Variants in NPEPPS observed in about 807,000 individuals in gnomAD.
The protein encoded by NPEPPS is aminopeptidase puromycin sensitive.
A neutral mutation model predicts 115.5 loss-of-function variants in NPEPPS; 14 were observed. The observed-to-expected ratio is 0.12, with a 90% CI of 0.08 to 0.19. The LOEUF (loss-of-function observed/expected upper bound fraction) is 0.19, where lower values mean the gene tolerates loss of function less well. Among genes scored for constraint, NPEPPS ranks in the 10% least tolerant of loss-of-function variants. The pLI, the probability that NPEPPS is intolerant of heterozygous loss-of-function variation, is 1.00. For missense variants in NPEPPS, 523 were observed against 1,110.8 expected (o/e 0.47, Z 7.52); for synonymous variants, 285 against 390.6 (o/e 0.73, Z 3.19).
At position 47,622,140 on chromosome 17, in the gene NPEPPS, A is replaced by C; in HGVS notation, c.*220A>C. ...AGCAAAAAATAAATAAAAAATAAAA[A>C]TGTAAATATGATAGTAATAAAATAG... On this transcript the variant is annotated 3_prime_UTR_variant, in exon 23 of 23. Transcript: ENST00000322157. The C allele has an allele frequency of 2.5e-6, 3 of 1,214,896 alleles. No homozygotes were observed. Among genetic ancestry groups the C allele is most frequent in the Non-Finnish European group, 3.1e-6 (3 of 959,426 alleles). The allele number at this position is 1,214,896 out of a possible 1,614,324, so 75.3% of individuals were successfully genotyped here.
At chr17:47,531,817 G>A (rs1325348498) in intron 1 of NPEPPS, among the ~76,000 whole-genome samples, 1 of 152,102 alleles carries the variant, frequency 6.6e-6, no homozygotes, top group Non-Finnish European at 1.5e-5. Flanking sequence ...TGGGGAGCCG[G>A]CGGCCCGGCC....
intron 1 of NPEPPS, among the ~76,000 whole-genome samples, chr17:47,532,609 C>T (rs1597805056): frequency 6.7e-6 from 1 of 149,690 alleles, no homozygotes; most frequent in East Asian, 2.0e-4. Context: ...CGAGATCGCG[C>T]CACTGCATTC....
At chr17:47,589,528 G>A (rs1912380947) in intron 9 of NPEPPS, among the ~76,000 whole-genome samples, 3 of 152,112 alleles carry the variant, frequency 2.0e-5, no homozygotes, top group Admixed American at 2.0e-4. Context: ...ACCTCCCAGA[G>A]TATTGGCATT....
upstream of NPEPPS, among the ~76,000 whole-genome samples, chr17:47,527,027 A>G (rs996461921): frequency 2.6e-5 from 4 of 152,212 alleles, no homozygotes; most frequent in Admixed American, 6.6e-5. Context: ...GATTCTCAGG[A>G]GAGAAAAAAA....
chr17:47,571,235 T>A (rs1384970128), intron 3 of NPEPPS, among the ~76,000 whole-genome samples: 1 of 152,180 alleles, frequency 6.6e-6, no homozygotes, highest in Non-Finnish European at 1.5e-5. Context: ...ACAAGTAAAA[T>A]GATAGTTATG....
chr17:47,554,403 C>T (rs1182710819), intron 2 of NPEPPS, among the ~76,000 whole-genome samples: 1 of 151,590 alleles, frequency 6.6e-6, no homozygotes, highest in Non-Finnish European at 1.5e-5. Context: ...TCTCTGTTGC[C>T]CAGGTTGGAG....
rs1169942033 is a variant in NPEPPS at position 47,612,414 on chromosome 17, A to AT, written c.2096-45dup. On this transcript the variant is annotated intron_variant, in intron 17 of 22. Coordinates refer to ENST00000322157, the MANE Select transcript of NPEPPS (RefSeq NM_006310.4). ...ATATCCAAATGGCAAACTTATAAAA[A>AT]TAGGCTTTTTAAGTAGTCTTATGTC... 8.8e-6 allele frequency: 14 copies of AT among 1,597,594 alleles called. No homozygotes were observed. The East Asian group carries it at 3.1e-4, about 36-fold the overall frequency.
chr17:47,555,449 G>A (rs1469723186), intron 2 of NPEPPS, among the ~76,000 whole-genome samples: 1 of 151,230 alleles, frequency 6.6e-6, no homozygotes, highest in East Asian at 1.9e-4. Flanking sequence ...CCGGGTTCAA[G>A]TGATTCTCCT....
chr17:47,537,625 G>A (rs943082123), intron 1 of NPEPPS, among the ~76,000 whole-genome samples: 1 of 151,888 alleles, frequency 6.6e-6, no homozygotes, highest in Non-Finnish European at 1.5e-5. Context: ...CTCGGGAAGC[G>A]GAGGAGCGGA....
In NPEPPS at chr17:47,537,687, C is replaced by T. The variant is rs185884218; in HGVS notation, c.255+6132C>T. Reference sequence around the variant, plus strand: ...TTGCACTCCAGCCGGGGTGACACAGCGAGACCCTGTCTTTAAAAAAAAAAA... The same window carrying T: ...TTGCACTCCAGCCGGGGTGACACAGTGAGACCCTGTCTTTAAAAAAAAAAA... On this transcript the variant is annotated intron_variant, in intron 1 of 22. Transcript: ENST00000322157. Among the ~76,000 whole-genome samples the T allele has an allele frequency of 2.3e-3, 341 of 149,782 alleles. 2 individuals are homozygous for T. The highest frequency in any genetic ancestry group is 8.3e-3 in the African/African-American group (336 of 40,528).
intron 16 of NPEPPS, among the ~76,000 whole-genome samples, chr17:47,604,817 A>G (rs762022371): frequency 2.6e-5 from 4 of 152,342 alleles, no homozygotes; most frequent in Admixed American, 6.5e-5. Context: ...GTTAGTTCTG[A>G]AAGGACTTTG....
chr17:47,579,007 TGAG>T (rs1439722130), intron 3 of NPEPPS, among the ~76,000 whole-genome samples: 2 of 152,134 alleles, frequency 1.3e-5, no homozygotes, highest in African/African-American at 2.4e-5. Context: ...TCTGAAAAAA[TGAG>T]GACAATATCT....
At position 47,592,198 on chromosome 17, in the gene NPEPPS, T is replaced by C. The variant is rs1270025010; in HGVS notation, c.1365+138T>C. 4.4e-6 allele frequency: 3 copies of C among 678,272 alleles called. No individual in the cohort carries two copies. The East Asian group carries it at 8.2e-5, about 19-fold the overall frequency. The allele number at this position is 678,272 out of a possible 1,614,324, so 42.0% of individuals were successfully genotyped here. A position where few individuals can be genotyped will look rare whatever the true frequency, so the allele number is the denominator to read the frequency against. On this transcript the variant is annotated intron_variant, in intron 11 of 22. Coordinates refer to ENST00000322157, the MANE Select transcript of NPEPPS (RefSeq NM_006310.4). ...ATTTTTTTTTAATGACCAAAAAGAA[T>C]GAGAATTCAATTATTTGAAGTTGAC... is the stretch of plus-strand genomic sequence containing the variant.
intron 21 of NPEPPS, 86 bp from the exon 22 acceptor site, chr17:47,619,651 G>C: frequency 9.0e-7 from 1 of 1,106,922 alleles, no homozygotes; most frequent in Admixed American, 1.7e-5. Flanking sequence ...AGTTGGCAGA[G>C]AACAGAATGA....
At chr17:47,607,229 G>A (rs1913571894) in intron 17 of NPEPPS, among the ~76,000 whole-genome samples, 1 of 152,104 alleles carries the variant, frequency 6.6e-6, no homozygotes. Context: ...ATAATAAGGA[G>A]TGCTGGGCCA....
chr17:47,600,283 T>C (rs1567865551), intron 14 of NPEPPS, among the ~76,000 whole-genome samples: 1 of 151,748 alleles, frequency 6.6e-6, no homozygotes, highest in Non-Finnish European at 1.5e-5. Flanking sequence ...AATAAATAAA[T>C]AAAATTAGCT....
At chr17:47,581,405 A>G (rs1911865003) in intron 4 of NPEPPS, 1 of 152,064 alleles carries the variant, frequency 6.6e-6, no homozygotes, top group Non-Finnish European at 1.5e-5. Context: ...GTTAATACCC[A>G]GTTTAGCTCT....
chr17:47,550,706 A>C (rs962422983), intron 2 of NPEPPS, among the ~76,000 whole-genome samples: 1 of 150,496 alleles, frequency 6.6e-6, no homozygotes, highest in Admixed American at 6.6e-5. Flanking sequence ...TGCTCACTGC[A>C]ACCTCTGCCT....
intron 14 of NPEPPS, 94 bp downstream of exon 14, chr17:47,599,833 T>C (rs1197865655): frequency 9.1e-7 from 1 of 1,101,710 alleles, no homozygotes; most frequent in Non-Finnish European, 1.3e-6. Flanking sequence ...TTTCTTTTTT[T>C]TTTTTGAGGA....
Sources: allele counts gnomAD v4.1 joint callset (sites outside exome capture counted in the v4.1 genomes callset), GRCh38; gene constraint gnomAD v4.1.1; transcripts MANE v1.5; gene names NCBI Gene and HGNC (gene_info 2026-07-23, HGNC 2026-07-21).